Variants in DCAF6 observed in about 807,000 individuals in gnomAD.
DCAF6 encodes the protein DDB1 and CUL4 associated factor 6.
DCAF6 carries 54 observed loss-of-function variants against 125.1 expected under a neutral mutation model. The observed-to-expected ratio is 0.43, with a 90% CI of 0.35 to 0.54. The LOEUF is 0.54. Ranked by LOEUF, DCAF6 falls within the 20% of genes least tolerant of loss-of-function variation. The pLI, the probability that DCAF6 is intolerant of heterozygous loss-of-function variation, is 0.01. For missense variants in DCAF6, 934 were observed against 1,161.7 expected, an observed-to-expected ratio of 0.80 and a Z score of 2.85; for synonymous variants, 371 against 390.4, an observed-to-expected ratio of 0.95 and a Z score of 0.58.
chr1:167,883,376 C>T, the DCAF6 span: 1 of 1,567,334 alleles, frequency 6.4e-7, no homozygotes, highest in Non-Finnish European at 8.8e-7. Context: ...CACCAATGTG[C>T]TTGTCCATGA....
chr1:167,949,988 A>G (rs1673673695), intron 1 of DCAF6, among the ~76,000 whole-genome samples: 1 of 152,188 alleles, frequency 6.6e-6, no homozygotes, highest in Non-Finnish European at 1.5e-5. Context: ...TAAAAATGTC[A>G]TTCAAAAGCT....
chr1:167,978,002 CTT>C lies in DCAF6; in HGVS notation c.438+2989_438+2990del, dbSNP rs565809184. On this transcript the variant is annotated intron_variant, in intron 4 of 21. Coordinates refer to ENST00000367840, the MANE Select transcript of DCAF6 (RefSeq NM_001198956.2). ...TAAATGGAAATATGGCTTTTTGTGT[CTT>C]TGTTGTTGTTTTTGTATCTGGCTTT... Among the ~76,000 whole-genome samples the C allele has an allele frequency of 1.0e-3, 157 of 151,914 alleles. 1 individual carries two copies. Among genetic ancestry groups the C allele is most frequent in the African/African-American group, 3.6e-3 (151 of 41,464 alleles).
At chr1:167,955,457 T>A (rs1487026315) in intron 2 of DCAF6, among the ~76,000 whole-genome samples, 6 of 151,786 alleles carry the variant, frequency 4.0e-5, no homozygotes, top group East Asian at 3.9e-4. Flanking sequence ...TTTTTTTTTT[T>A]AAAGACATTC....
chr1:167,959,892 A>T (rs1285620474), intron 2 of DCAF6, among the ~76,000 whole-genome samples: 1 of 152,046 alleles, frequency 6.6e-6, no homozygotes, highest in African/African-American at 2.4e-5. Context: ...GATTTCTTTT[A>T]TGGATCTTGC....
chr1:167,874,059 C>T, the DCAF6 span, among the ~76,000 whole-genome samples: 2 of 152,172 alleles, frequency 1.3e-5, no homozygotes, highest in African/African-American at 4.8e-5. Flanking sequence ...GGGCTGGGCA[C>T]AGTGGCTCAC....
chr1:167,905,999 A>T, the DCAF6 span, among the ~76,000 whole-genome samples: 1 of 152,234 alleles, frequency 6.6e-6, no homozygotes, highest in Non-Finnish European at 1.5e-5. Context: ...TAGGTTATAC[A>T]GAAAATATAA....
Position 167,936,803 on chromosome 1 carries a change from C to G in DCAF6, c.-109C>G, listed in dbSNP as rs569974742. ...CATCTAACGCTGCGCCCTGGAGGCC[C>G]GGCGCGCGGATGGTGCCGGTGCGGC... On this transcript the variant is annotated 5_prime_UTR_variant, in exon 1 of 22. Transcript: ENST00000367840. 1.1e-5 allele frequency: 11 copies of G among 1,015,818 alleles called. No homozygotes were observed. In the Admixed American group the frequency reaches 1.8e-4, roughly 17 times the overall value. The allele number at this position is 1,015,818 out of a possible 1,614,324, so 62.9% of individuals were successfully genotyped here.
the DCAF6 span, among the ~76,000 whole-genome samples, chr1:167,883,193 G>A: frequency 4.5e-4 from 68 of 152,242 alleles, no homozygotes; most frequent in African/African-American, 1.6e-3. Context: ...ACGTGCCACC[G>A]CACCCAGCTA....
chr1:167,917,523 A>T, the DCAF6 span: 1 of 150,302 alleles, frequency 6.7e-6, no homozygotes, highest in African/African-American at 2.4e-5. Flanking sequence ...ACTTGAGCCC[A>T]GGAGGTAGGG....
the DCAF6 span, chr1:167,902,176 T>C: frequency 1.0e-6 from 1 of 992,692 alleles, no homozygotes; most frequent in African/African-American, 1.6e-5. Flanking sequence ...AATAGGCTTA[T>C]ACTAAAGATC....
At chr1:168,067,497 C>T (rs399273) in intron 20 of DCAF6, among the ~76,000 whole-genome samples, 5,029 of 152,152 alleles carry the variant, frequency 0.033, 214 homozygotes, top group African/African-American at 0.097. Flanking sequence ...AATAGTTCAC[C>T]AGGCAGACAG....
chr1:167,903,830 A>T, the DCAF6 span: 1 of 1,292,832 alleles, frequency 7.7e-7, no homozygotes, highest in Non-Finnish European at 1.1e-6. Flanking sequence ...ATTGACAACT[A>T]CGGAAAAAAC....
the DCAF6 span, among the ~76,000 whole-genome samples, chr1:167,911,997 G>A: frequency 1.3e-5 from 2 of 152,116 alleles, no homozygotes; most frequent in Non-Finnish European, 2.9e-5. Context: ...ATAAATATCT[G>A]GGAGTTTCTT....
intron 8 of DCAF6, among the ~76,000 whole-genome samples, chr1:168,002,892 TTC>T (rs1315006206): frequency 6.6e-6 from 1 of 152,148 alleles, no homozygotes; most frequent in African/African-American, 2.4e-5. Context: ...GTTTTTGCCT[TTC>T]TATTAGATAT....
At chr1:168,033,010 ATT>A (rs201615768) in intron 12 of DCAF6, among the ~76,000 whole-genome samples, 2 of 147,212 alleles carry the variant, frequency 1.4e-5, no homozygotes, top group African/African-American at 2.5e-5. Flanking sequence ...AATACTCAGC[ATT>A]TTTTTTTTTA....
the DCAF6 span, among the ~76,000 whole-genome samples, chr1:167,894,513 A>C: frequency 1.3e-5 from 2 of 152,118 alleles, no homozygotes; most frequent in Admixed American, 1.3e-4. Context: ...GCTCTAGGAT[A>C]GACTGATAAG....
the DCAF6 span, among the ~76,000 whole-genome samples, chr1:167,873,715 A>G: frequency 2.0e-5 from 3 of 152,354 alleles, no homozygotes; most frequent in Non-Finnish European, 4.4e-5. Flanking sequence ...TGGATTGTAG[A>G]CTTAAATATA....
rs994796997 is a variant in DCAF6, at chr1:168,031,569, T to G, written c.1610-6802T>G. On this transcript the variant is annotated intron_variant, in intron 12 of 21. Coordinates refer to ENST00000367840, the MANE Select transcript of DCAF6 (RefSeq NM_001198956.2). ...AACAATAAGCTAGGAGGACAGTAAC[T>G]GGAAGGAGAAGTTGTTAAAGGGAGT... 2.0e-5 allele frequency among the ~76,000 whole-genome samples: 3 copies of G among 152,332 alleles called. No homozygotes were observed. In the East Asian group the frequency reaches 5.8e-4, roughly 29 times the overall value.
intron 4 of DCAF6, among the ~76,000 whole-genome samples, chr1:167,977,485 G>A (rs965352015): frequency 4.6e-5 from 7 of 151,982 alleles, no homozygotes; most frequent in Non-Finnish European, 2.9e-5. Flanking sequence ...TAGGTAACCT[G>A]TTTCTTTTCC....
Sources: allele counts gnomAD v4.1 joint callset (sites outside exome capture counted in the v4.1 genomes callset), GRCh38; gene constraint gnomAD v4.1.1; transcripts MANE v1.5; gene names NCBI Gene and HGNC (gene_info 2026-07-23, HGNC 2026-07-21).